EWSR1: variants seen among roughly 807,000 people sequenced by gnomAD.
EWSR1 encodes RNA-binding protein EWS.
EWSR1 carries 14 observed loss-of-function variants against 92.1 expected under a neutral mutation model. That is an observed-to-expected ratio of 0.15 (90% CI 0.10 to 0.24). The LOEUF (loss-of-function observed/expected upper bound fraction) is 0.24, where lower values mean the gene tolerates loss of function less well. Among genes scored for constraint, EWSR1 ranks in the 10% least tolerant of loss-of-function variants. The pLI is 1.00. For missense variants in EWSR1, 637 were observed against 870.9 expected (o/e 0.73, Z 3.38); for synonymous variants, 303 against 292.9 (o/e 1.03, Z -0.35).
intron 11 of EWSR1, 108 bp downstream of exon 11, chr22:29,292,714 C>A: frequency 1.6e-6 from 1 of 614,616 alleles, no homozygotes; most frequent in Non-Finnish European, 2.9e-6. Flanking sequence ...CTTTGCCTGA[C>A]TTCTTTCTAG....
Position 29,300,476 on chromosome 22 carries a change from ATG to A in EWSR1, c.*317_*318del, listed in dbSNP as rs1319767148. On this transcript the variant is annotated 3_prime_UTR_variant, in exon 17 of 17. Coordinates refer to ENST00000397938, the MANE Select transcript of EWSR1 (RefSeq NM_005243.4). ...AACTGTAACAATGTTCATGGTTGTG[ATG>A]TTTTTTTTTTTTTTTTAAATAAAAT... 16 of 240,410 alleles carry A rather than the reference ATG, an allele frequency of 6.7e-5. No individual in the cohort carries two copies. Among genetic ancestry groups the A allele is most frequent in the Admixed American group, 4.5e-4 (8 of 17,936 alleles). The allele number at this position is 240,410 out of a possible 1,614,324, so 14.9% of individuals were successfully genotyped here.
chr22:29,270,656 G>A (rs999787306), intron 1 of EWSR1, among the ~76,000 whole-genome samples: 3 of 152,112 alleles, frequency 2.0e-5, no homozygotes, highest in Non-Finnish European at 2.9e-5. Context: ...CTGCTCTTGC[G>A]TAAAAGTCGT....
chr22:29,282,339 A>G (rs1019340706), intron 5 of EWSR1, 51 bp from the exon 6 acceptor site: 69 of 1,478,008 alleles, frequency 4.7e-5, no homozygotes, highest in Non-Finnish European at 5.7e-5. Context: ...TGGTTGACCA[A>G]CCACACAAAA....
intron 3 of EWSR1, 128 bp from the exon 4 acceptor site, chr22:29,273,607 GTTGTTT>G (rs2058862121): frequency 3.1e-6 from 3 of 973,662 alleles, no homozygotes; most frequent in East Asian, 2.7e-5. Flanking sequence ...GTCTTGTTTT[GTTGTTT>G]TTGTTTTGTT....
chr22:29,273,678 T>A (rs2058870886), intron 3 of EWSR1, 63 bp from the exon 4 acceptor site: 8 of 1,572,282 alleles, frequency 5.1e-6, no homozygotes, highest in African/African-American at 2.7e-5. Context: ...ATTTAGTCCA[T>A]TTTATTGCTA....
chr22:29,272,406 C>T lies in EWSR1; in HGVS notation c.77C>T (p.Thr26Ile). 6.2e-7 allele frequency: 1 copy of T among 1,613,178 alleles called. No homozygotes were observed. The highest frequency in any genetic ancestry group is 1.1e-5 in the South Asian group (1 of 91,036). ...QGYSAYTAQP[T>I]QGYAQTTQAY... ...TACAGTGCTTACACCGCCCAGCCCA[C>T]TCAAGGATATGCACAGACCACCCAG... Residue 26 changes from threonine to isoleucine, a missense_variant, in exon 3 of 17, where the codon ACT becomes ATT. Coordinates refer to ENST00000397938, the MANE Select transcript of EWSR1 (RefSeq NM_005243.4).
chr22:29,292,401 GA>G (rs1289424601), intron 10 of EWSR1, 86 bp from the exon 11 acceptor site: 1 of 983,772 alleles, frequency 1.0e-6, no homozygotes. Flanking sequence ...GATTTATGAT[GA>G]ATATCCTTGG....
intron 14 of EWSR1, 91 bp downstream of exon 14, chr22:29,298,986 GA>G: frequency 7.0e-7 from 1 of 1,424,818 alleles, no homozygotes; most frequent in Non-Finnish European, 9.4e-7. Flanking sequence ...GCTCTGTCTA[GA>G]GGAACAGAAT....
At chr22:29,291,383 G>A in intron 8 of EWSR1, 179 bp from the exon 9 acceptor site, 2 of 582,598 alleles carry the variant, frequency 3.4e-6, no homozygotes, top group Admixed American at 3.4e-5. Flanking sequence ...AAGCAAGGTT[G>A]TATATTGAGG....
intron 11 of EWSR1, among the ~76,000 whole-genome samples, chr22:29,293,059 C>T (rs575450215): frequency 2.0e-5 from 3 of 152,078 alleles, no homozygotes; most frequent in East Asian, 3.9e-4. Flanking sequence ...GCCTTCCCTC[C>T]TCCACCCCTA....
At chr22:29,276,220 G>C (rs1443954548) in intron 4 of EWSR1, 2 of 230,172 alleles carry the variant, frequency 8.7e-6, no homozygotes, top group East Asian at 1.2e-4. Flanking sequence ...AGGGTAGATG[G>C]TATTAGATTC....
chr22:29,281,363 G>A (rs6006086), intron 5 of EWSR1, among the ~76,000 whole-genome samples: 152,103 of 152,104 alleles, frequency 1, 76,051 homozygotes, highest in Non-Finnish European at 1. Flanking sequence ...GATGGAGTAC[G>A]CGATCTAACA....
chr22:29,289,359 T>C (rs2060277174), intron 8 of EWSR1: 2 of 230,038 alleles, frequency 8.7e-6, no homozygotes, highest in Non-Finnish European at 1.7e-5. Flanking sequence ...TGCAGAGTAA[T>C]GTATATAATT....
At chr22:29,278,875 A>G in intron 5 of EWSR1, among the ~76,000 whole-genome samples, 1 of 151,648 alleles carries the variant, frequency 6.6e-6, no homozygotes, top group East Asian at 1.9e-4. Context: ...CACACCTGTA[A>G]TCCCAGCTAC....
intron 11 of EWSR1, among the ~76,000 whole-genome samples, chr22:29,293,091 T>C (rs1237848482): frequency 6.6e-6 from 1 of 152,132 alleles, no homozygotes; most frequent in Non-Finnish European, 1.5e-5. Context: ...TTGCTCAATC[T>C]CAGCCTCCCA....
rs544352526 is a variant in EWSR1, at chr22:29,287,496, C to G, written c.793+362C>G. 3.9e-5 allele frequency among the ~76,000 whole-genome samples: 6 copies of G among 152,360 alleles called. No individual in the cohort carries two copies. In the South Asian group the frequency reaches 1.2e-3, roughly 32 times the overall value. On this transcript the variant is annotated intron_variant, in intron 7 of 16. Transcript: ENST00000397938. ...GTGTTGGGATTACAGTCATGAGCCA[C>G]TGCGCCCAGCCACGTTTGGAGTTTT...
intron 5 of EWSR1, among the ~76,000 whole-genome samples, chr22:29,278,452 C>T (rs981092423): frequency 2.0e-5 from 3 of 152,082 alleles, no homozygotes; most frequent in African/African-American, 4.8e-5. Context: ...TTTGGGAGGC[C>T]GAGGCGGGCG....
At chr22:29,268,693 G>A (rs1481154383) in intron 1 of EWSR1, among the ~76,000 whole-genome samples, 1 of 152,252 alleles carries the variant, frequency 6.6e-6, no homozygotes. Flanking sequence ...TGCGTGAAGG[G>A]GAGGATTTGG....
At chr22:29,270,691 C>G (rs1176474642) in intron 1 of EWSR1, among the ~76,000 whole-genome samples, 1 of 152,162 alleles carries the variant, frequency 6.6e-6, no homozygotes, top group Non-Finnish European at 1.5e-5. Flanking sequence ...ACTTACATGA[C>G]AGTGATTTAC....
Sources: allele counts gnomAD v4.1 joint callset (sites outside exome capture counted in the v4.1 genomes callset), GRCh38; gene constraint gnomAD v4.1.1; transcripts MANE v1.5; gene names NCBI Gene and HGNC (gene_info 2026-07-23, HGNC 2026-07-21).